The following PIK3R1 variants were observed in gnomAD, a reference collection of about 807,000 sequenced individuals.
The protein encoded by PIK3R1 is phosphatidylinositol 3-kinase regulatory subunit alpha.
In PIK3R1, 29 loss-of-function variants were observed where a neutral mutation model predicts 98.0. The ratio of observed to expected loss-of-function variants is 0.30; its 90% confidence interval spans 0.22 to 0.40. The LOEUF is 0.40. Ranked by LOEUF, PIK3R1 falls within the 10% of genes least tolerant of loss-of-function variation. The pLI is 1.00. For synonymous variants in PIK3R1, 282 were observed against 311.8 expected (o/e 0.90, Z 1.01); for missense variants, 596 against 872.7 (o/e 0.68, Z 3.99).
intron 8 of PIK3R1, chr5:68,292,830 C>A: frequency 3.1e-6 from 3 of 968,378 alleles, no homozygotes; most frequent in Non-Finnish European, 4.3e-6. Flanking sequence ...ACAGATACAC[C>A]AATAGTGAAA....
chr5:68,226,873 G>A lies in PIK3R1; in HGVS notation c.198G>A (p.Arg66=), dbSNP rs766811997. 33 of 1,613,924 alleles carry A rather than the reference G, an allele frequency of 2.0e-5. No individual in the cohort carries two copies. Among genetic ancestry groups the A allele is most frequent in the Non-Finnish European group, 4.2e-6 (5 of 1,179,988 alleles). The part of the protein sequence containing the change: ...LNGYNETTGE[R]GDFPGTYVEY... The stretch of plus-strand genomic sequence containing the variant: ...GCTATAATGAAACCACAGGGGAAAG[G>A]GGGGACTTTCCGGGAACTTACGTAG... Residue 66 remains arginine (R), a synonymous_variant, in exon 2 of 16, where the codon AGG becomes AGA. Transcript: ENST00000521381.
At chr5:68,252,216 C>T (rs1408662099) in intron 2 of PIK3R1, among the ~76,000 whole-genome samples, 5 of 152,188 alleles carry the variant, frequency 3.3e-5, no homozygotes, top group East Asian at 1.9e-4. Context: ...AGCAGAATTA[C>T]AGGCCCAATT....
At chr5:68,219,538 T>TGC (rs1014602510) in intron 1 of PIK3R1, among the ~76,000 whole-genome samples, 63 of 152,328 alleles carry the variant, frequency 4.1e-4, no homozygotes, top group African/African-American at 1.4e-3. Flanking sequence ...ATCCTGGGGA[T>TGC]GCACACACAC....
At chr5:68,292,698 A>T in intron 8 of PIK3R1, 1 of 1,275,944 alleles carries the variant, frequency 7.8e-7, no homozygotes, top group South Asian at 1.7e-5. Context: ...AAACAATGCC[A>T]TTTTATGTTA....
At chr5:68,283,397 A>G (rs1746932532) in intron 7 of PIK3R1, among the ~76,000 whole-genome samples, 1 of 152,232 alleles carries the variant, frequency 6.6e-6, no homozygotes, top group African/African-American at 2.4e-5. Context: ...GTGGGAGTAC[A>G]CATACTCTAA....
chr5:68,294,376 C>A (rs1165670571), intron 11 of PIK3R1, among the ~76,000 whole-genome samples, 160 bp from the exon 12 acceptor site: 2 of 152,166 alleles, frequency 1.3e-5, no homozygotes, highest in Admixed American at 6.5e-5. Flanking sequence ...TGAGAAAATT[C>A]TCCAGAGGAA....
chr5:68,293,514 C>A (rs150156511), intron 10 of PIK3R1, 31 bp downstream of exon 10: 5 of 1,510,766 alleles, frequency 3.3e-6, no homozygotes, highest in Non-Finnish European at 3.7e-6. Flanking sequence ...TATCCAGTTA[C>A]GATGTTTAGA....
intron 2 of PIK3R1, among the ~76,000 whole-genome samples, chr5:68,273,091 C>A (rs1024230803): frequency 6.6e-6 from 1 of 152,082 alleles, no homozygotes; most frequent in African/African-American, 2.4e-5. Context: ...TCCTGCCACT[C>A]CCCCCACCTT....
rs1039731897 is a variant in PIK3R1 at position 68,253,985 on chromosome 5, T to C, written c.335-19405T>C. Among the ~76,000 whole-genome samples, 277 of 29,770 alleles carry C rather than the reference T, an allele frequency of 9.3e-3. 2 individuals are homozygous for C. The highest frequency in any genetic ancestry group is 0.049 in the African/African-American group (243 of 4,970). The allele number at this position is 29,770 out of a possible 152,430, so 19.5% of individuals were successfully genotyped here. A position where few individuals can be genotyped will look rare whatever the true frequency, so the allele number is the denominator to read the frequency against. On this transcript the variant is annotated intron_variant, in intron 2 of 15. Coordinates refer to ENST00000521381, the MANE Select transcript of PIK3R1 (RefSeq NM_181523.3). ...TTTTTTATTTTCCCGTGGACCCCCT[T>C]TTTTTTTTTTTTTTTGTATTTTATA...
intron 2 of PIK3R1, among the ~76,000 whole-genome samples, chr5:68,239,591 C>G (rs1361965506): frequency 6.6e-6 from 1 of 152,184 alleles, no homozygotes; most frequent in Non-Finnish European, 1.5e-5. Context: ...GGCCCAAGGT[C>G]ACACAGCTAG....
intron 2 of PIK3R1, among the ~76,000 whole-genome samples, chr5:68,263,210 T>C (rs1410147741): frequency 7.9e-6 from 1 of 126,714 alleles, no homozygotes; most frequent in Non-Finnish European, 1.6e-5. Context: ...TATCTATATA[T>C]ATATTTCTAC....
At chr5:68,250,305 G>T (rs554121290) in intron 2 of PIK3R1, among the ~76,000 whole-genome samples, 3 of 152,204 alleles carry the variant, frequency 2.0e-5, no homozygotes, top group Non-Finnish European at 4.4e-5. Flanking sequence ...GCATGGGAAG[G>T]CAGTGGAAAC....
chr5:68,262,905 A>ATGTATACG (rs1745908254), intron 2 of PIK3R1, among the ~76,000 whole-genome samples: 4 of 76,694 alleles, frequency 5.2e-5, no homozygotes, highest in Non-Finnish European at 1.1e-4. Flanking sequence ...ACATATATAC[A>ATGTATACG]TGTAGATACA....
chr5:68,294,284 A>T (rs778595758), intron 11 of PIK3R1, among the ~76,000 whole-genome samples: 1 of 152,250 alleles, frequency 6.6e-6, no homozygotes, highest in Non-Finnish European at 1.5e-5. Context: ...GGAACAGAAA[A>T]CAACAGGGAT....
chr5:68,263,079 A>ATATACATGTAGATACATGTATACATG (rs1745947581), intron 2 of PIK3R1, among the ~76,000 whole-genome samples: 5 of 137,588 alleles, frequency 3.6e-5, no homozygotes, highest in African/African-American at 1.4e-4. Context: ...ATGTATACAT[A>ATATACATGTAGATACATGTATACATG]TATACATGTA....
intron 2 of PIK3R1, among the ~76,000 whole-genome samples, chr5:68,236,350 C>T (rs374812864): frequency 6.6e-6 from 1 of 151,460 alleles, no homozygotes; most frequent in Non-Finnish European, 1.5e-5. Flanking sequence ...CCTGGGTTCA[C>T]GCCATTCTCC....
intron 11 of PIK3R1, among the ~76,000 whole-genome samples, chr5:68,294,275 G>T (rs1747564359): frequency 6.6e-6 from 1 of 152,162 alleles, no homozygotes. Flanking sequence ...ATGCCAGAGG[G>T]AACAGAAAAC....
chr5:68,220,776 A>T (rs1219772184), intron 1 of PIK3R1, among the ~76,000 whole-genome samples: 2 of 152,140 alleles, frequency 1.3e-5, no homozygotes, highest in African/African-American at 4.8e-5. Flanking sequence ...AATGAATTTG[A>T]TGTCTATTAT....
At chr5:68,297,301 C>A in intron 15 of PIK3R1, 111 bp from the exon 16 acceptor site, 1 of 900,218 alleles carries the variant, frequency 1.1e-6, no homozygotes, top group Non-Finnish European at 1.7e-6. Context: ...AACCTAGGAC[C>A]CTTTCCCCAA....
Sources: gnomAD v4.1 joint callset for allele counts (sites outside exome capture counted in the v4.1 genomes callset) on GRCh38, gnomAD v4.1.1 for gene constraint, MANE v1.5 for transcripts, NCBI Gene and HGNC (gene_info 2026-07-23, HGNC 2026-07-21) for gene names.